The following GALNTL6 variants were observed in gnomAD, a reference collection of about 807,000 sequenced individuals.
GALNTL6 encodes the protein polypeptide N-acetylgalactosaminyltransferase-like 6.
GALNTL6 carries 46 observed loss-of-function variants against 73.7 expected under a neutral mutation model. The ratio of observed to expected loss-of-function variants is 0.62; its 90% CI spans 0.49 to 0.80. The LOEUF is 0.80. GALNTL6 is among the 30% of genes least tolerant of loss of function. The pLI is 0.00. For missense variants in GALNTL6, 604 were observed against 755.0 expected, an observed-to-expected ratio of 0.80 and a Z score of 2.34; for synonymous variants, 259 against 263.7, an observed-to-expected ratio of 0.98 and a Z score of 0.17.
intron 5 of GALNTL6, among the ~76,000 whole-genome samples, chr4:172,784,506 TCAA>T (rs1739545195): frequency 6.6e-6 from 1 of 152,090 alleles, no homozygotes; most frequent in Non-Finnish European, 1.5e-5. Flanking sequence ...GTTCTGGTGG[TCAA>T]AAGTCTAGAA....
chr4:172,994,370 C>A (rs181340426), intron 10 of GALNTL6, among the ~76,000 whole-genome samples: 186 of 152,172 alleles, frequency 1.2e-3, no homozygotes, highest in African/African-American at 4.4e-3. Flanking sequence ...TTTAGGTCCC[C>A]ATTAGTTTGA....
rs755432839 is a variant in GALNTL6, at chr4:172,348,633, G to C, written c.497G>C (p.Arg166Pro). The stretch of plus-strand genomic sequence containing the variant: ...CGGACCATACACAGTATAATTAACC[G>C]AACCCCAGGGAGTCTGATAGCAGAA... ...LLRTIHSIIN[R>P]TPGSLIAEII... The change falls in exon 5 of 13, where the codon CGA becomes CCA. Residue 166 changes from arginine (R) to proline (P), a missense_variant. Physicochemically the swap from Arg to Pro is moderately radical, Grantham distance 103. This residue lies in a region of GALNTL6 where 179 missense variants were observed against 230.8 expected (regional missense o/e 0.78). Coordinates refer to ENST00000506823, the MANE Select transcript of GALNTL6 (RefSeq NM_001034845.3). 6.2e-7 allele frequency: 1 copy of C among 1,611,582 alleles called. No individual in the cohort carries two copies.
intron 8 of GALNTL6, among the ~76,000 whole-genome samples, chr4:172,920,498 G>A (rs1390464127): frequency 6.6e-6 from 1 of 152,148 alleles, no homozygotes; most frequent in Admixed American, 6.5e-5. Flanking sequence ...GTGCTTGACT[G>A]TCTAGTCTTA....
intron 11 of GALNTL6, among the ~76,000 whole-genome samples, chr4:173,018,433 A>G (rs1223590121): frequency 6.6e-6 from 1 of 152,228 alleles, no homozygotes; most frequent in Non-Finnish European, 1.5e-5. Context: ...AATTTAATTG[A>G]GGATCTATTG....
intron 3 of GALNTL6, among the ~76,000 whole-genome samples, chr4:172,263,593 TTTAC>T (rs1462036454): frequency 6.6e-6 from 1 of 151,496 alleles, no homozygotes; most frequent in Admixed American, 6.6e-5. Flanking sequence ...TTTAAATTGA[TTTAC>T]TTAAATTTAA....
At chr4:171,961,044 G>A (rs908362728) in intron 2 of GALNTL6, among the ~76,000 whole-genome samples, 5 of 152,034 alleles carry the variant, frequency 3.3e-5, no homozygotes, top group Admixed American at 2.6e-4. Context: ...CTTGAGGTCT[G>A]GGTTGGGACT....
intron 5 of GALNTL6, among the ~76,000 whole-genome samples, chr4:172,745,887 C>T (rs1275090403): frequency 1.3e-5 from 2 of 152,022 alleles, no homozygotes; most frequent in Non-Finnish European, 2.9e-5. Context: ...AGATCATCCA[C>T]AGTCAATGTG....
intron 10 of GALNTL6, among the ~76,000 whole-genome samples, chr4:172,994,510 T>G (rs1751689890): frequency 6.6e-6 from 1 of 152,210 alleles, no homozygotes; most frequent in South Asian, 2.1e-4. Context: ...GGGAAGTAGT[T>G]ATACCATGAA....
chr4:172,987,757 T>A (rs2126447684), intron 10 of GALNTL6, among the ~76,000 whole-genome samples: 1 of 152,104 alleles, frequency 6.6e-6, no homozygotes, highest in East Asian at 1.9e-4. Flanking sequence ...GTGTAGCACC[T>A]CTCCCTTCTC....
At chr4:172,437,707 T>C (rs1006046857) in intron 5 of GALNTL6, among the ~76,000 whole-genome samples, 2 of 152,126 alleles carry the variant, frequency 1.3e-5, no homozygotes, top group Non-Finnish European at 1.5e-5. Context: ...AATCTCTGAA[T>C]AGCATGTAAT....
chr4:172,408,701 T>G (rs1744323541), intron 5 of GALNTL6, among the ~76,000 whole-genome samples: 1 of 151,984 alleles, frequency 6.6e-6, no homozygotes, highest in Non-Finnish European at 1.5e-5. Context: ...ATGTTGTTAG[T>G]AGGCGAGGAA....
rs181246305 is a variant in GALNTL6, at chr4:171,865,275, G to C, written c.138+50557G>C. Reference sequence around the variant, plus strand: ...AAATGAATTGTGAAATATAATGAGAGACAGACATACAAATGGGTGCTGGCT... The same window carrying C: ...AAATGAATTGTGAAATATAATGAGACACAGACATACAAATGGGTGCTGGCT... On this transcript the variant is annotated intron_variant, in intron 2 of 12. Coordinates refer to ENST00000506823, the MANE Select transcript of GALNTL6 (RefSeq NM_001034845.3). Among the ~76,000 whole-genome samples the C allele has an allele frequency of 4.0e-3, 615 of 152,214 alleles. 15 individuals are homozygous for C. The highest frequency in any genetic ancestry group is 1.3e-3 in the Non-Finnish European group (89 of 68,004).
chr4:172,744,775 A>G (rs1290164429), intron 5 of GALNTL6, among the ~76,000 whole-genome samples: 1 of 151,954 alleles, frequency 6.6e-6, no homozygotes, highest in Non-Finnish European at 1.5e-5. Context: ...GTTGATACCA[A>G]GAAGTCAATC....
intron 2 of GALNTL6, among the ~76,000 whole-genome samples, chr4:171,900,377 G>A (rs946084626): frequency 4.6e-5 from 7 of 152,056 alleles, no homozygotes; most frequent in African/African-American, 9.6e-5. Flanking sequence ...GTGTGAGCTC[G>A]GCTCACTACA....
intron 5 of GALNTL6, among the ~76,000 whole-genome samples, chr4:172,700,885 G>A (rs1270209507): frequency 6.6e-6 from 1 of 151,984 alleles, no homozygotes; most frequent in Non-Finnish European, 1.5e-5. Flanking sequence ...GAAAGAGGAG[G>A]GCCATACTTC....
chr4:172,592,147 C>T (rs1427091492), intron 5 of GALNTL6, among the ~76,000 whole-genome samples: 1 of 152,138 alleles, frequency 6.6e-6, no homozygotes, highest in African/African-American at 2.4e-5. Context: ...AGCATGGTGC[C>T]AGCATCTGCT....
intron 7 of GALNTL6, among the ~76,000 whole-genome samples, chr4:172,839,238 G>A (rs1295387781): frequency 1.3e-5 from 2 of 152,200 alleles, no homozygotes. Context: ...GGCTGCCAGA[G>A]TTGTTATGCC....
rs1447456443 is a variant in GALNTL6, at chr4:171,865,140, C to CTTTTT, written c.138+50423_138+50424insTTTTT. ...CAGCCTGGGCGACAAAAGTGAAACT[C>CTTTTT]TGTCTCAAAAAAAAAAAAGATTTAA... is the stretch of plus-strand genomic sequence containing the variant. On this transcript the variant is annotated intron_variant, in intron 2 of 12. Transcript: ENST00000506823. Among the ~76,000 whole-genome samples the CTTTTT allele has an allele frequency of 8.0e-5, 12 of 150,878 alleles. No individual in the cohort carries two copies. In the East Asian group the frequency reaches 2.3e-3, roughly 29 times the overall value.
At chr4:172,696,933 A>G (rs1015517677) in intron 5 of GALNTL6, among the ~76,000 whole-genome samples, 1 of 152,212 alleles carries the variant, frequency 6.6e-6, no homozygotes, top group African/African-American at 2.4e-5. Context: ...TTCTTACATG[A>G]CTGATTTGTC....
Sources: gnomAD v4.1 joint callset for allele counts (sites outside exome capture counted in the v4.1 genomes callset) on GRCh38, gnomAD v4.1.1 for gene constraint, gnomAD v4.1.1 regional missense constraint, MANE v1.5 for transcripts, NCBI Gene and HGNC (gene_info 2026-07-23, HGNC 2026-07-21) for gene names.